SEPTIN2: variants seen among roughly 807,000 people sequenced by gnomAD.
SEPTIN2 encodes the protein septin 2, also known as septin-2.
SEPTIN2 carries 34 observed loss-of-function variants against 46.5 expected under a neutral mutation model. The observed-to-expected ratio is 0.73, with a 90% CI of 0.56 to 0.97. The LOEUF is 0.97. Ranked by LOEUF, SEPTIN2 falls within the 50% of genes least tolerant of loss-of-function variation. The pLI, the probability that SEPTIN2 is intolerant of heterozygous loss-of-function variation, is 0.00. For missense variants in SEPTIN2, 347 were observed against 448.4 expected, an observed-to-expected ratio of 0.77 and a Z score of 2.04; for synonymous variants, 175 against 153.4, an observed-to-expected ratio of 1.14 and a Z score of -1.04.
At chr2:241,320,098 A>G (rs1013509882) in intron 1 of SEPTIN2, 3 of 388,920 alleles carry the variant, frequency 7.7e-6, no homozygotes, top group Non-Finnish European at 1.0e-5. Context: ...AGATTGGCCT[A>G]TGGCGTTCAT....
chr2:241,350,111 G>A lies in SEPTIN2; in HGVS notation c.1023G>A (p.Ala341=), dbSNP rs748452189. The change falls in exon 12 of 13, where the codon GCG becomes GCA. Residue 341 remains alanine (A), a synonymous_variant. Coordinates refer to ENST00000391971, the MANE Select transcript of SEPTIN2 (RefSeq NM_004404.5). ...RMQEMIARMQ[A]QMQMQMQGGD... Reference sequence around the variant, plus strand: ...AAGAGATGATTGCAAGGATGCAGGCGCAGATGCAGATGCAGATGCAGGGCG... The same window carrying A: ...AAGAGATGATTGCAAGGATGCAGGCACAGATGCAGATGCAGATGCAGGGCG... The A allele has an allele frequency of 9.9e-6, 16 of 1,613,206 alleles. No individual in the cohort carries two copies. The highest frequency in any genetic ancestry group is 3.3e-5 in the Admixed American group (2 of 59,978).
rs533507470 is a variant in SEPTIN2, at chr2:241,347,774, A to C, written c.927-360A>C. Among the ~76,000 whole-genome samples the C allele has an allele frequency of 3.9e-5, 6 of 152,218 alleles. No homozygotes were observed. In the South Asian group the frequency reaches 1.0e-3, roughly 26 times the overall value. On this transcript the variant is annotated intron_variant, in intron 10 of 12. Transcript: ENST00000391971. ...GGTGGCTCATGCCTGTATTCCCAGCACTTTGGGAGGCCAAGGTGGGCGGAT... is the reference window on the plus strand; with the variant it reads ...GGTGGCTCATGCCTGTATTCCCAGCCCTTTGGGAGGCCAAGGTGGGCGGAT...
intron 5 of SEPTIN2, chr2:241,336,786 C>CA (rs2080074424): frequency 5.9e-6 from 1 of 170,574 alleles, no homozygotes; most frequent in South Asian, 2.0e-4. Context: ...TTTTCACAGT[C>CA]ACGTTCCTGA....
intron 3 of SEPTIN2, among the ~76,000 whole-genome samples, chr2:241,326,359 C>T (rs1234667151): frequency 6.6e-6 from 1 of 152,186 alleles, no homozygotes; most frequent in East Asian, 1.9e-4. Flanking sequence ...TCCAAAATGG[C>T]CCCCAGTGAT....
chr2:241,333,766 G>A (rs2079427132), intron 3 of SEPTIN2, among the ~76,000 whole-genome samples: 1 of 152,146 alleles, frequency 6.6e-6, no homozygotes, highest in Admixed American at 6.5e-5. Context: ...GCCTCCCAAA[G>A]TGCTGGGATT....
intron 7 of SEPTIN2, among the ~76,000 whole-genome samples, chr2:241,338,805 A>ATTATATTTATATTATTTATATATAAT (rs1365734617): frequency 4.8e-5 from 5 of 104,234 alleles, no homozygotes; most frequent in Admixed American, 1.9e-4. Context: ...TATAATACAT[A>ATTATATTTATATTATTTATATATAAT]TTATATTTAT....
intron 3 of SEPTIN2, among the ~76,000 whole-genome samples, chr2:241,326,900 C>G (rs2149917141): frequency 6.6e-6 from 1 of 152,064 alleles, no homozygotes; most frequent in South Asian, 2.1e-4. Context: ...ATGGTGAAAC[C>G]CTGTCTCTAC....
chr2:241,348,288 C>G, intron 11 of SEPTIN2, 97 bp downstream of exon 11: 1 of 938,674 alleles, frequency 1.1e-6, no homozygotes, highest in Middle Eastern at 2.3e-4. Context: ...AGTGCAGTGG[C>G]GTGATCTCGG....
At chr2:241,323,832 C>G (rs2077513485) in intron 1 of SEPTIN2, among the ~76,000 whole-genome samples, 1 of 152,158 alleles carries the variant, frequency 6.6e-6, no homozygotes, top group African/African-American at 2.4e-5. Flanking sequence ...TTTAAAGATA[C>G]AAATTTGATT....
chr2:241,330,325 A>C (rs2149976174), intron 3 of SEPTIN2, among the ~76,000 whole-genome samples: 1 of 152,340 alleles, frequency 6.6e-6, no homozygotes, highest in South Asian at 2.1e-4. Flanking sequence ...AAAAGATAGG[A>C]ACGTAAGAAT....
chr2:241,346,130 A>G (rs11683764), intron 9 of SEPTIN2, 36 bp from the exon 10 acceptor site: 275,480 of 1,513,556 alleles, frequency 0.18, 26,058 homozygotes, highest in Middle Eastern at 0.27. Flanking sequence ...TGTCATGTGC[A>G]TGATGCCACC....
chr2:241,333,736 C>A (rs1479833504), intron 3 of SEPTIN2, among the ~76,000 whole-genome samples: 2 of 152,204 alleles, frequency 1.3e-5, no homozygotes, highest in Non-Finnish European at 1.5e-5. Flanking sequence ...AACTCCTGAC[C>A]TCATGATCCG....
At chr2:241,341,705 C>G (rs905788730) in intron 7 of SEPTIN2, among the ~76,000 whole-genome samples, 2 of 152,206 alleles carry the variant, frequency 1.3e-5, no homozygotes, top group Non-Finnish European at 2.9e-5. Context: ...AAATCTCTGA[C>G]CATTCAAGGC....
intron 11 of SEPTIN2, among the ~76,000 whole-genome samples, chr2:241,349,735 C>T (rs530699231): frequency 3.9e-5 from 6 of 152,106 alleles, no homozygotes; most frequent in Non-Finnish European, 5.9e-5. Context: ...GCAGGAGAAT[C>T]GCTTGAACCC....
Position 241,335,655 on chromosome 2 carries a change from C to G in SEPTIN2, c.218-320C>G, listed in dbSNP as rs573154023. ...TAGTGAGAGCCTAAGACTTGGGCTG[C>G]TGCAAGAATATGTAGCCCTTTCAGA... On this transcript the variant is annotated intron_variant, in intron 4 of 12. Transcript: ENST00000391971. The G allele has an allele frequency of 1.2e-4, 66 of 568,884 alleles. No homozygotes were observed. The Middle Eastern group carries it at 1.4e-3, about 12-fold the overall frequency. The allele number at this position is 568,884 out of a possible 1,614,324, so 35.2% of individuals were successfully genotyped here.
chr2:241,322,928 C>CT (rs1240376105), intron 1 of SEPTIN2, among the ~76,000 whole-genome samples: 12 of 151,906 alleles, frequency 7.9e-5, no homozygotes, highest in Admixed American at 7.9e-4. Context: ...TCCCTAGTGT[C>CT]TAACATATAG....
intron 1 of SEPTIN2, chr2:241,317,461 A>T (rs1011630007): frequency 1.2e-6 from 1 of 835,138 alleles, no homozygotes; most frequent in Non-Finnish European, 1.4e-6. Flanking sequence ...TATCATTCAT[A>T]AATGTAATTC....
intron 7 of SEPTIN2, 21 bp downstream of exon 7, chr2:241,337,811 G>A: frequency 5.1e-6 from 8 of 1,558,354 alleles, no homozygotes; most frequent in Non-Finnish European, 7.1e-6. Context: ...CTGGCGTCCT[G>A]CCCTCCCTCT....
intron 7 of SEPTIN2, among the ~76,000 whole-genome samples, chr2:241,338,918 TAA>T (rs1250690043): frequency 1.1e-5 from 1 of 92,384 alleles, no homozygotes; most frequent in Non-Finnish European, 2.0e-5. Flanking sequence ...ATAATATATA[TAA>T]TTGTACATAT....
Sources: allele counts gnomAD v4.1 joint callset (sites outside exome capture counted in the v4.1 genomes callset), GRCh38; gene constraint gnomAD v4.1.1; transcripts MANE v1.5; gene names NCBI Gene and HGNC (gene_info 2026-07-23, HGNC 2026-07-21).